GSAP: variants seen among roughly 807,000 people sequenced by gnomAD.
GSAP encodes the protein gamma-secretase activating protein, also known as gamma-secretase-activating protein.
A neutral mutation model predicts 131.7 loss-of-function variants in GSAP; 118 were observed. The ratio of observed to expected loss-of-function variants is 0.90; its 90% CI spans 0.77 to 1.04. The LOEUF is 1.04. Ranked by LOEUF, GSAP falls within the 50% of genes least tolerant of loss-of-function variation. The probability of loss-of-function intolerance (pLI) is 0.00; values close to 1 mark genes in which losing one functional copy is unlikely to be tolerated. For synonymous variants in GSAP, 381 were observed against 363.4 expected (o/e 1.05, Z -0.55); for missense variants, 1,019 against 1,013.2 (o/e 1.01, Z -0.08).
intron 12 of GSAP, among the ~76,000 whole-genome samples, chr7:77,365,486 C>T (rs1007300639): frequency 2.0e-5 from 3 of 152,098 alleles, no homozygotes; most frequent in East Asian, 1.9e-4. Flanking sequence ...CTAGGTATTT[C>T]GTTTTACTGT....
At chr7:77,339,906 C>G (rs1790639341) in intron 19 of GSAP, among the ~76,000 whole-genome samples, 1 of 152,158 alleles carries the variant, frequency 6.6e-6, no homozygotes, top group Non-Finnish European at 1.5e-5. Flanking sequence ...CGGGTAAACT[C>G]ATAAATCCCT....
chr7:77,355,360 A>T lies in GSAP; in HGVS notation c.1191T>A (p.Asp397Glu), dbSNP rs1383078494. Residue 397 changes from aspartate (D) to glutamate (E), a missense_variant, in exon 16 of 31, where the codon GAT (aspartate) becomes GAA (glutamate). Coordinates refer to ENST00000257626, the MANE Select transcript of GSAP (RefSeq NM_017439.4). ...CTCTATAGAGCTTTCCAGAACAACA[A>T]TCCAATACCAGGGACCCTGACAATG... ...LQSLSGSLVL[D>E]CCSGKLYRAL... 1.2e-6 allele frequency: 2 copies of T among 1,613,470 alleles called. No individual in the cohort carries two copies. The highest frequency in any genetic ancestry group is 2.2e-5 in the South Asian group (2 of 91,072).
chr7:77,396,449 G>T (rs11772568), intron 5 of GSAP, among the ~76,000 whole-genome samples: 7,861 of 152,158 alleles, frequency 0.052, 270 homozygotes, highest in Middle Eastern at 0.1. Flanking sequence ...CATAATGCCT[G>T]ACCCCCAGCA....
rs758515382 is a variant in GSAP at position 77,349,302 on chromosome 7, A to G, written c.1545+49T>C. The stretch of plus-strand genomic sequence containing the variant: ...AACCACCATAATACTCAGGCAGCAG[A>G]GCTTTAGTCATGTATCTGTACTTTT... On this transcript the variant is annotated intron_variant, in intron 19 of 30. Transcript: ENST00000257626. The G allele has an allele frequency of 5.1e-6, 7 of 1,382,794 alleles. 1 individual carries two copies. Among genetic ancestry groups the G allele is most frequent in the Admixed American group, 5.0e-5 (3 of 59,634 alleles). 85.7% of individuals were successfully genotyped at this position (1,382,794 alleles called of 1,614,324 possible).
At chr7:77,405,740 T>C (rs929509467) in intron 2 of GSAP, among the ~76,000 whole-genome samples, 1 of 152,192 alleles carries the variant, frequency 6.6e-6, no homozygotes, top group Non-Finnish European at 1.5e-5. Flanking sequence ...GGTTTTGCCA[T>C]GTTGGCAAGG....
intron 5 of GSAP, among the ~76,000 whole-genome samples, chr7:77,391,363 A>AT (rs1799508672): frequency 6.6e-6 from 1 of 152,176 alleles, no homozygotes; most frequent in Admixed American, 6.6e-5. Flanking sequence ...ACCTTTGCAA[A>AT]TAGTAATTTC....
At chr7:77,396,629 A>G (rs899541804) in intron 5 of GSAP, among the ~76,000 whole-genome samples, 19 of 152,282 alleles carry the variant, frequency 1.2e-4, no homozygotes, top group African/African-American at 4.1e-4. Flanking sequence ...TGTGTTAGGT[A>G]TTAATCAATA....
chr7:77,315,669 C>G (rs1352221065), intron 26 of GSAP: 1 of 152,176 alleles, frequency 6.6e-6, no homozygotes, highest in Non-Finnish European at 1.5e-5. Context: ...ACCATAATGT[C>G]ACTGTTAATA....
At chr7:77,402,909 A>C (rs1403907073) in intron 3 of GSAP, among the ~76,000 whole-genome samples, 1 of 152,164 alleles carries the variant, frequency 6.6e-6, no homozygotes, top group Non-Finnish European at 1.5e-5. Flanking sequence ...TTTTTGAAAA[A>C]CAGCCACTCT....
intron 1 of GSAP, among the ~76,000 whole-genome samples, chr7:77,413,757 G>A (rs915423092): frequency 1.3e-5 from 2 of 151,894 alleles, no homozygotes; most frequent in African/African-American, 4.8e-5. Flanking sequence ...GAGGATGAGA[G>A]AAAGAAATAG....
chr7:77,313,301 C>T (rs149774479), intron 28 of GSAP, among the ~76,000 whole-genome samples, 187 bp downstream of exon 28: 1 of 152,250 alleles, frequency 6.6e-6, no homozygotes, highest in East Asian at 1.9e-4. Flanking sequence ...AGAGCAAGTG[C>T]TTTGTAGGCC....
At chr7:77,355,095 C>CCA (rs1793456773) in intron 16 of GSAP, 118 bp downstream of exon 16, 1 of 666,220 alleles carries the variant, frequency 1.5e-6, no homozygotes, top group African/African-American at 1.8e-5. Context: ...AGCAGCAAGG[C>CCA]CACACACCTC....
In GSAP at chr7:77,387,345, G is replaced by A. The variant is rs769473047; in HGVS notation, c.456+15C>T. ...TTGATTAATGAGATAAGTGATAAATGGCATGCTTACTTACCTGAACCCAAA... is the reference window on the plus strand; with the variant it reads ...TTGATTAATGAGATAAGTGATAAATAGCATGCTTACTTACCTGAACCCAAA... On this transcript the variant is annotated intron_variant, in intron 6 of 30. Coordinates refer to ENST00000257626, the MANE Select transcript of GSAP (RefSeq NM_017439.4). 13 of 1,295,744 alleles carry A rather than the reference G, an allele frequency of 1.0e-5. No individual in the cohort carries two copies. In the Admixed American group the frequency reaches 2.2e-4, roughly 22 times the overall value. 80.3% of individuals were successfully genotyped at this position (1,295,744 alleles called of 1,614,324 possible). A position where few individuals can be genotyped will look rare whatever the true frequency, so the allele number is the denominator to read the frequency against.
At chr7:77,318,161 G>A (rs1787116538) in intron 26 of GSAP, among the ~76,000 whole-genome samples, 1 of 152,172 alleles carries the variant, frequency 6.6e-6, no homozygotes, top group Admixed American at 6.5e-5. Context: ...TTGAATATCA[G>A]CTCTGTCACT....
intron 14 of GSAP, among the ~76,000 whole-genome samples, chr7:77,360,497 G>A (rs1044302756): frequency 7.9e-5 from 12 of 152,136 alleles, no homozygotes; most frequent in Admixed American, 4.6e-4. Flanking sequence ...TGGGCTATTT[G>A]GGAACATCTC....
At chr7:77,390,001 T>C (rs1003510596) in intron 5 of GSAP, among the ~76,000 whole-genome samples, 4 of 152,310 alleles carry the variant, frequency 2.6e-5, no homozygotes, top group African/African-American at 9.6e-5. Flanking sequence ...TAGTATCTCA[T>C]TGTGGTTTTG....
chr7:77,416,235 G>A lies in GSAP; in HGVS notation c.87C>T (p.Ser29=). 1 of 1,261,850 alleles carries A rather than the reference G, an allele frequency of 7.9e-7. No individual in the cohort carries two copies. Among genetic ancestry groups the A allele is most frequent in the Admixed American group, 3.2e-5 (1 of 31,188 alleles). 78.2% of individuals were successfully genotyped at this position (1,261,850 alleles called of 1,614,324 possible). A position where few individuals can be genotyped will look rare whatever the true frequency, so the allele number is the denominator to read the frequency against. Residue 29 remains serine (S), a synonymous_variant, in exon 1 of 31, where the codon AGC becomes AGT. Transcript: ENST00000257626. ...LRAQRAVSEA[S]GAGSGGADVL... ...CACCTGCGCCGCCGCTTCCGGCCCCGCTGGCCTCCGACACTGCCCGCTGCG... is the reference window on the plus strand; with the variant it reads ...CACCTGCGCCGCCGCTTCCGGCCCCACTGGCCTCCGACACTGCCCGCTGCG...
intron 14 of GSAP, among the ~76,000 whole-genome samples, chr7:77,356,876 A>AT (rs1371604045): frequency 1.3e-5 from 2 of 152,220 alleles, no homozygotes; most frequent in Admixed American, 6.5e-5. Flanking sequence ...AGGGAAGAGG[A>AT]TATAGAACTC....
intron 19 of GSAP, among the ~76,000 whole-genome samples, chr7:77,344,241 G>C (rs1172838499): frequency 6.6e-6 from 1 of 152,096 alleles, no homozygotes; most frequent in African/African-American, 2.4e-5. Flanking sequence ...CAGGCTCTTG[G>C]TATTCAGTGG....
Sources: allele counts gnomAD v4.1 joint callset (sites outside exome capture counted in the v4.1 genomes callset), GRCh38; gene constraint gnomAD v4.1.1; transcripts MANE v1.5; gene names NCBI Gene and HGNC (gene_info 2026-07-23, HGNC 2026-07-21).